NSMCE2: variants seen among roughly 807,000 people sequenced by gnomAD.
NSMCE2 encodes the protein NSE2 SUMO ligase component of SMC5/6 complex.
NSMCE2 carries 24 observed loss-of-function variants against 23.8 expected under a neutral mutation model. The ratio of observed to expected loss-of-function variants is 1.01; its 90% CI spans 0.73 to 1.42. NSMCE2 has a LOEUF of 1.42. Among genes scored for constraint, NSMCE2 ranks in the 40% most tolerant of loss-of-function variants. The probability of loss-of-function intolerance (pLI) is 0.00; values close to 1 mark genes in which losing one functional copy is unlikely to be tolerated. For missense variants in NSMCE2, 284 were observed against 296.5 expected, an observed-to-expected ratio of 0.96 and a Z score of 0.31; for synonymous variants, 92 against 94.1, an observed-to-expected ratio of 0.98 and a Z score of 0.13.
chr8:125,293,812 A>G (rs937187762), intron 5 of NSMCE2, among the ~76,000 whole-genome samples: 2 of 152,218 alleles, frequency 1.3e-5, no homozygotes, highest in East Asian at 1.9e-4. Flanking sequence ...TTAAGATGTA[A>G]TATACATACC....
At chr8:125,360,642 G>T (rs1474909411) in intron 7 of NSMCE2, among the ~76,000 whole-genome samples, 1 of 152,182 alleles carries the variant, frequency 6.6e-6, no homozygotes, top group Non-Finnish European at 1.5e-5. Context: ...GGTTCTGAAG[G>T]CCAGGTGCAT....
chr8:125,328,026 G>A (rs977179029), intron 5 of NSMCE2, among the ~76,000 whole-genome samples: 1 of 152,106 alleles, frequency 6.6e-6, no homozygotes, highest in Non-Finnish European at 1.5e-5. Flanking sequence ...CTAGCACAAG[G>A]AAAATCATTT....
chr8:125,234,924 C>T (rs1825478114), intron 5 of NSMCE2, among the ~76,000 whole-genome samples: 1 of 152,160 alleles, frequency 6.6e-6, no homozygotes, highest in African/African-American at 2.4e-5. Flanking sequence ...GCCAGTCCTA[C>T]AGAGCCCATT....
intron 5 of NSMCE2, among the ~76,000 whole-genome samples, chr8:125,311,472 T>C: frequency 6.6e-6 from 1 of 152,256 alleles, no homozygotes; most frequent in East Asian, 1.9e-4. Context: ...CAGTTTATGA[T>C]GTCACTAGAA....
chr8:125,190,725 A>T (rs1823307206), intron 5 of NSMCE2, among the ~76,000 whole-genome samples: 1 of 152,160 alleles, frequency 6.6e-6, no homozygotes, highest in African/African-American at 2.4e-5. Context: ...CTATTGGATG[A>T]TAGTTATAAT....
intron 5 of NSMCE2, among the ~76,000 whole-genome samples, chr8:125,302,091 G>C (rs185900427): frequency 3.8e-4 from 58 of 152,154 alleles, no homozygotes; most frequent in African/African-American, 1.3e-3. Context: ...CCCAGAGCTG[G>C]GATTACAGGT....
intron 4 of NSMCE2, among the ~76,000 whole-genome samples, chr8:125,179,531 G>A (rs1443026699): frequency 1.3e-5 from 2 of 152,144 alleles, no homozygotes; most frequent in Non-Finnish European, 2.9e-5. Flanking sequence ...ATAATGAGTT[G>A]AATGTTTTTA....
chr8:125,342,123 A>C lies in NSMCE2; in HGVS notation c.419-15096A>C, dbSNP rs138708104. ...ATGCCCTCCTGGACTGCTTCTCAGC[A>C]CTCTATTTCTGTGTGGCACAGCCTA... is the stretch of plus-strand genomic sequence containing the variant. On this transcript the variant is annotated intron_variant, in intron 5 of 7. Coordinates refer to ENST00000287437, the MANE Select transcript of NSMCE2 (RefSeq NM_173685.4). Among the ~76,000 whole-genome samples the C allele has an allele frequency of 2.0e-5, 3 of 152,068 alleles. No homozygotes were observed. The East Asian group carries it at 5.8e-4, about 29-fold the overall frequency.
chr8:125,130,321 C>CTAG (rs1819708260), intron 3 of NSMCE2: 1 of 453,078 alleles, frequency 2.2e-6, no homozygotes, highest in Non-Finnish European at 4.4e-6. Flanking sequence ...TCACCTGGCC[C>CTAG]TAGTAGTGTT....
chr8:125,142,542 G>A (rs1250844532), intron 3 of NSMCE2, among the ~76,000 whole-genome samples: 1 of 151,780 alleles, frequency 6.6e-6, no homozygotes, highest in East Asian at 1.9e-4. Context: ...TTACTAGCTT[G>A]TATCATGTAC....
intron 5 of NSMCE2, among the ~76,000 whole-genome samples, chr8:125,223,528 T>G (rs1264232280): frequency 6.6e-6 from 1 of 152,212 alleles, no homozygotes; most frequent in African/African-American, 2.4e-5. Context: ...TAGCTCTATT[T>G]GTAGTTTTTT....
chr8:125,330,673 C>G (rs1342960267), intron 5 of NSMCE2, among the ~76,000 whole-genome samples: 1 of 152,112 alleles, frequency 6.6e-6, no homozygotes, highest in African/African-American at 2.4e-5. Flanking sequence ...TCTTAAGCCT[C>G]GAATGTACGC....
chr8:125,154,620 T>C (rs1821213964), intron 4 of NSMCE2, among the ~76,000 whole-genome samples: 1 of 152,188 alleles, frequency 6.6e-6, no homozygotes, highest in African/African-American at 2.4e-5. Context: ...ATAAAAACTT[T>C]CAGGTTAAAT....
chr8:125,343,603 C>T (rs1211973820), intron 5 of NSMCE2, among the ~76,000 whole-genome samples: 1 of 151,882 alleles, frequency 6.6e-6, no homozygotes, highest in African/African-American at 2.4e-5. Flanking sequence ...TGTTCCATTG[C>T]ACTCCAGGCT....
intron 3 of NSMCE2, among the ~76,000 whole-genome samples, chr8:125,123,574 T>C (rs751720583): frequency 1.3e-5 from 2 of 152,272 alleles, no homozygotes; most frequent in African/African-American, 2.4e-5. Flanking sequence ...TCTGCAGTGC[T>C]AACCCACATG....
At chr8:125,296,392 A>ATTTT (rs11410793) in intron 5 of NSMCE2, among the ~76,000 whole-genome samples, 5 of 125,732 alleles carry the variant, frequency 4.0e-5, no homozygotes, top group South Asian at 5.0e-4. Flanking sequence ...TGCCATGGTC[A>ATTTT]TTTTTTTTTT....
rs530436332 is a variant in NSMCE2, at chr8:125,241,857, T to C, written c.418+59601T>C. ...TATGTGTTAGGCATTCTGTTAGATATGGTGGGGAACAAGAGAGACACCCTG... is the reference window on the plus strand; with the variant it reads ...TATGTGTTAGGCATTCTGTTAGATACGGTGGGGAACAAGAGAGACACCCTG... On this transcript the variant is annotated intron_variant, in intron 5 of 7. Transcript: ENST00000287437. Among the ~76,000 whole-genome samples the C allele has an allele frequency of 3.3e-5, 5 of 152,306 alleles. No homozygotes were observed. The East Asian group carries it at 9.6e-4, about 29-fold the overall frequency.
intron 3 of NSMCE2, among the ~76,000 whole-genome samples, chr8:125,137,141 A>G (rs1820109596): frequency 6.6e-6 from 1 of 152,172 alleles, no homozygotes; most frequent in South Asian, 2.1e-4. Flanking sequence ...AGATAGGAAT[A>G]TGAAATGAAG....
chr8:125,126,539 C>CACTT (rs751506788), intron 3 of NSMCE2, among the ~76,000 whole-genome samples: 3 of 152,164 alleles, frequency 2.0e-5, no homozygotes, highest in Non-Finnish European at 4.4e-5. Context: ...ATAGCTTCAG[C>CACTT]ACTTACTACC....
Sources: gnomAD v4.1 joint callset for allele counts (sites outside exome capture counted in the v4.1 genomes callset) on GRCh38, gnomAD v4.1.1 for gene constraint, MANE v1.5 for transcripts, NCBI Gene and HGNC (gene_info 2026-07-23, HGNC 2026-07-21) for gene names.